LHX1: variants seen among roughly 807,000 people sequenced by gnomAD.
LHX1 encodes the protein LIM/homeobox protein Lhx1.
A neutral mutation model predicts 34.1 loss-of-function variants in LHX1; 9 were observed. That is an observed-to-expected ratio of 0.26 (90% CI 0.16 to 0.46). The LOEUF is 0.46. Ranked by LOEUF, LHX1 falls within the 20% of genes least tolerant of loss-of-function variation. The probability of loss-of-function intolerance (pLI) is 1.00; values close to 1 mark genes in which losing one functional copy is unlikely to be tolerated. For missense variants in LHX1, 446 were observed against 559.1 expected (o/e 0.80, Z 2.04); for synonymous variants, 254 against 241.5 (o/e 1.05, Z -0.48).
intron 4 of LHX1, 86 bp from the exon 5 acceptor site, chr17:36,942,666 C>G: frequency 7.4e-7 from 1 of 1,358,438 alleles, no homozygotes; most frequent in Non-Finnish European, 9.8e-7. Context: ...TTCCTCAGCC[C>G]GCCGAGGTCG....
Position 36,942,818 on chromosome 17 carries a change from C to A in LHX1, c.908C>A (p.Ser303Ter). Reference sequence around the variant, plus strand: ...TTCTTCCCGCAAGGCCCCCCGTCCTCGCAGGCCCAGACACCAGTGGACCTA... The same window carrying A: ...TTCTTCCCGCAAGGCCCCCCGTCCTAGCAGGCCCAGACACCAGTGGACCTA... Reference protein sequence around the residue: ...YDFFPQGPPSSQAQTPVDLPF... With the variant: ...YDFFPQGPPS Residue 303 changes from serine to a stop codon, truncating the protein, a stop_gained, in exon 5 of 5, where the codon TCG (serine) becomes TAG (stop). Transcript: ENST00000614239. LOFTEE classifies it high-confidence loss of function. 1 of 1,561,088 alleles carries A rather than the reference C, an allele frequency of 6.4e-7. No homozygotes were observed. Among genetic ancestry groups the A allele is most frequent in the Non-Finnish European group, 8.7e-7 (1 of 1,149,620 alleles).
At chr17:36,942,729 G>A in intron 4 of LHX1, 23 bp from the exon 5 acceptor site, 5 of 1,475,244 alleles carry the variant, frequency 3.4e-6, no homozygotes, top group Non-Finnish European at 4.5e-6. Context: ...CTGACGTCCT[G>A]CGCCCTCCCC....
rs376663056 is a variant in LHX1 at position 36,942,925 on chromosome 17, G to C, written c.1015G>C (p.Glu339Gln). The change falls in exon 5 of 5, where the codon GAG (glutamate) becomes CAG (glutamine). Residue 339 changes from glutamate to glutamine, a missense_variant. Physicochemically the swap from Glu to Gln is conservative, Grantham distance 29. This residue lies in a region of LHX1 where 235 missense variants were observed against 224.4 expected (regional missense o/e 1.05). Coordinates refer to ENST00000614239, the MANE Select transcript of LHX1 (RefSeq NM_005568.5). ...HPLPGHHPSSEAQRFTDILAH... is the reference protein window; with the variant it reads ...HPLPGHHPSSQAQRFTDILAH... The stretch of plus-strand genomic sequence containing the variant: ...GCTGCCGGGCCACCACCCGTCGAGC[G>C]AGGCGCAGCGGTTTACCGACATCCT... 28 of 1,604,544 alleles carry C rather than the reference G, an allele frequency of 1.7e-5. No homozygotes were observed. In the South Asian group the frequency reaches 3.1e-4, roughly 18 times the overall value.
At chr17:36,942,087 G>T (rs2070768478) in intron 3 of LHX1, 113 bp from the exon 4 acceptor site, 2 of 1,087,548 alleles carry the variant, frequency 1.8e-6, no homozygotes, top group South Asian at 1.4e-5. Context: ...ACACACAAGC[G>T]CGCGCGCGCG....
At chr17:36,941,112 G>T in intron 3 of LHX1, 2 of 768,098 alleles carry the variant, frequency 2.6e-6, no homozygotes, top group Non-Finnish European at 2.2e-6. Flanking sequence ...TGGCAGTGGA[G>T]GGGGAGGGAC....
intron 1 of LHX1, 91 bp from the exon 2 acceptor site, chr17:36,940,199 C>T (rs2070754903): frequency 1.3e-6 from 1 of 757,330 alleles, no homozygotes; most frequent in South Asian, 1.6e-5. Context: ...CATCTTCCCT[C>T]TTTCTCGCTG....
chr17:36,940,285 C>A lies in LHX1; in HGVS notation c.171-5C>A. On this transcript the variant is annotated splice_polypyrimidine_tract_variant and splice_region_variant and intron_variant, in intron 1 of 4. Transcript: ENST00000614239. ...CCCCCGCCCCCCACCCCCACCCCCC[C>A]GCAGGTGTTTCGGTACCAAATGCGC... 7.5e-7 allele frequency: 1 copy of A among 1,339,888 alleles called. No individual in the cohort carries two copies. The highest frequency in any genetic ancestry group is 1.0e-6 in the Non-Finnish European group (1 of 975,140). The allele number at this position is 1,339,888 out of a possible 1,614,324, so 83.0% of individuals were successfully genotyped here.
chr17:36,938,507 G>T, intron 1 of LHX1, 140 bp downstream of exon 1: 2 of 833,052 alleles, frequency 2.4e-6, no homozygotes, highest in South Asian at 1.4e-5. Flanking sequence ...GCGGGCGCCC[G>T]CCTCTCCGCC....
chr17:36,942,081 A>G, intron 3 of LHX1, 119 bp from the exon 4 acceptor site: 1 of 1,024,174 alleles, frequency 9.8e-7, no homozygotes, highest in Admixed American at 2.2e-5. Context: ...ACACACACAC[A>G]CAAGCGCGCG....
At chr17:36,941,960 C>G (rs997103284) in intron 3 of LHX1, among the ~76,000 whole-genome samples, 8 of 152,186 alleles carry the variant, frequency 5.3e-5, no homozygotes, top group East Asian at 1.9e-4. Flanking sequence ...CAACTCTCCC[C>G]CTCCAGACAC....
In LHX1 at chr17:36,943,113, C is replaced by G; in HGVS notation, c.1203C>G (p.Asn401Lys). The G allele has an allele frequency of 6.2e-7, 1 of 1,612,002 alleles. No individual in the cohort carries two copies. The highest frequency in any genetic ancestry group is 8.5e-7 in the Non-Finnish European group (1 of 1,179,708). Residue 401 changes from asparagine (N) to lysine (K), a missense_variant, in exon 5 of 5, where the codon AAC becomes AAG. Physicochemically the swap from Asn to Lys is moderately conservative, Grantham distance 94. This residue lies in a region of LHX1 where 235 missense variants were observed against 224.4 expected (regional missense o/e 1.05). Transcript: ENST00000614239. ...GNHLSHPPEM[N>K]EAAVW ...ACCTGTCCCACCCCCCCGAAATGAA[C>G]GAGGCGGCCGTGTGGTAGCGGGGTC... is the stretch of plus-strand genomic sequence containing the variant.
Position 36,943,050 on chromosome 17 carries a change from G to T in LHX1, c.1140G>T (p.Ser380=), listed in dbSNP as rs182084469. ...AEVFGPSPPF[S]SLSVNGGASY... ...TCTTCGGACCCAGCCCGCCCTTCTCGTCGCTGTCGGTCAACGGTGGGGCGA... is the reference window on the plus strand; with the variant it reads ...TCTTCGGACCCAGCCCGCCCTTCTCTTCGCTGTCGGTCAACGGTGGGGCGA... Residue 380 remains serine (S), a synonymous_variant, in exon 5 of 5, where the codon TCG becomes TCT. Transcript: ENST00000614239. 3.4e-5 allele frequency: 54 copies of T among 1,606,022 alleles called. No homozygotes were observed. Among genetic ancestry groups the T allele is most frequent in the Non-Finnish European group, 4.2e-5 (49 of 1,174,676 alleles).
chr17:36,943,141 G>C lies in LHX1; in HGVS notation c.*10G>C, dbSNP rs754566332. ...GGCGGCCGTGTGGTAGCGGGGTCTC[G>C]CACGGTCTGCGGAGTTCGTGGTTGT... On this transcript the variant is annotated 3_prime_UTR_variant, in exon 5 of 5. Coordinates refer to ENST00000614239, the MANE Select transcript of LHX1 (RefSeq NM_005568.5). The C allele has an allele frequency of 1.9e-6, 3 of 1,611,674 alleles. No homozygotes were observed. Among genetic ancestry groups the C allele is most frequent in the East Asian group, 4.5e-5 (2 of 44,812 alleles).
Position 36,943,195 on chromosome 17 carries a change from T to C in LHX1, c.*64T>C. 34 of 1,139,970 alleles carry C rather than the reference T, an allele frequency of 3.0e-5. No individual in the cohort carries two copies. The highest frequency in any genetic ancestry group is 4.4e-5 in the Admixed American group (1 of 22,766). 70.6% of individuals were successfully genotyped at this position (1,139,970 alleles called of 1,614,324 possible). A position where few individuals can be genotyped will look rare whatever the true frequency, so the allele number is the denominator to read the frequency against. On this transcript the variant is annotated 3_prime_UTR_variant, in exon 5 of 5. Transcript: ENST00000614239. ...GAAATGAACCTTTATTTAAGAAAAATAGAAAAAAAAAAACATAAAAAGCAA... is the reference window on the plus strand; with the variant it reads ...GAAATGAACCTTTATTTAAGAAAAACAGAAAAAAAAAAACATAAAAAGCAA...
Position 36,937,693 on chromosome 17 carries a change from C to T in LHX1, c.-505C>T. The T allele has an allele frequency of 2.5e-6, 1 of 407,212 alleles. No homozygotes were observed. Among genetic ancestry groups the T allele is most frequent in the Non-Finnish European group, 5.0e-6 (1 of 201,770 alleles). 25.2% of individuals were successfully genotyped at this position (407,212 alleles called of 1,614,324 possible). A position where few individuals can be genotyped will look rare whatever the true frequency, so the allele number is the denominator to read the frequency against. Reference sequence around the variant, plus strand: ...GTGGGCAGCCTGGCACGCACACAGTCGCCCTCATACCCCGACAAAAGCAGA... The same window carrying T: ...GTGGGCAGCCTGGCACGCACACAGTTGCCCTCATACCCCGACAAAAGCAGA... On this transcript the variant is annotated 5_prime_UTR_variant, in exon 1 of 5. Coordinates refer to ENST00000614239, the MANE Select transcript of LHX1 (RefSeq NM_005568.5).
In LHX1 at chr17:36,940,374, C is replaced by T; in HGVS notation, c.255C>T (p.His85=). 1.2e-6 allele frequency: 2 copies of T among 1,612,514 alleles called. No individual in the cohort carries two copies. Among genetic ancestry groups the T allele is most frequent in the Non-Finnish European group, 1.7e-6 (2 of 1,179,788 alleles). Residue 85 remains histidine, a synonymous_variant, in exon 2 of 5, where the codon CAC becomes CAT. Transcript: ENST00000614239. Reference sequence around the variant, plus strand: ...GGAGAGCGCGGAGCAAAGTGTTTCACCTGAACTGCTTCACCTGCATGATGT... The same window carrying T: ...GGAGAGCGCGGAGCAAAGTGTTTCATCTGAACTGCTTCACCTGCATGATGT... The part of the protein sequence containing the change: ...LVRRARSKVF[H]LNCFTCMMCN...
chr17:36,939,009 C>T (rs2070747709), intron 1 of LHX1, among the ~76,000 whole-genome samples: 1 of 152,162 alleles, frequency 6.6e-6, no homozygotes, highest in Non-Finnish European at 1.5e-5. Flanking sequence ...CCCTGGCTGC[C>T]GAAGTTGTCT....
At chr17:36,942,687 C>G in intron 4 of LHX1, 65 bp from the exon 5 acceptor site, 2 of 1,420,338 alleles carry the variant, frequency 1.4e-6, no homozygotes, top group Non-Finnish European at 1.9e-6. Flanking sequence ...CGTCTTCCCT[C>G]CCTTTCGGTC....
Position 36,938,247 on chromosome 17 carries a change from T to G in LHX1, c.50T>G (p.Leu17Trp). The G allele has an allele frequency of 6.2e-7, 1 of 1,614,166 alleles. No individual in the cohort carries two copies. The highest frequency in any genetic ancestry group is 8.5e-7 in the Non-Finnish European group (1 of 1,180,028). Residue 17 changes from leucine (L) to tryptophan (W), a missense_variant, in exon 1 of 5, where the codon TTG becomes TGG. Physicochemically the swap from Leu to Trp is moderately conservative, Grantham distance 61 (BLOSUM62 -2). Coordinates refer to ENST00000614239, the MANE Select transcript of LHX1 (RefSeq NM_005568.5). ...AGGCCCATCCTGGACCGCTTTCTCT[T>G]GAACGTGCTGGACAGGGCCTGGCAC... ...CKRPILDRFLLNVLDRAWHVK... is the reference protein window; with the variant it reads ...CKRPILDRFLWNVLDRAWHVK...
Sources: gnomAD v4.1 joint callset for allele counts (sites outside exome capture counted in the v4.1 genomes callset) on GRCh38, gnomAD v4.1.1 for gene constraint, gnomAD v4.1.1 regional missense constraint, MANE v1.5 for transcripts, NCBI Gene and HGNC (gene_info 2026-07-23, HGNC 2026-07-21) for gene names.